Variants in TRERF1 observed in about 807,000 individuals in gnomAD.
The protein encoded by TRERF1 is transcriptional-regulating factor 1.
Under a neutral mutation model 122.9 loss-of-function variants are expected in TRERF1, and 27 were observed. That is an observed-to-expected ratio of 0.22 (90% CI 0.16 to 0.30). The LOEUF (loss-of-function observed/expected upper bound fraction) is 0.30, where lower values mean the gene tolerates loss of function less well. TRERF1 is among the 10% of genes least tolerant of loss of function. TRERF1 has a pLI of 1.00. For synonymous variants in TRERF1, 636 were observed against 641.7 expected (o/e 0.99, Z 0.13); for missense variants, 1,248 against 1,560.3 (o/e 0.80, Z 3.37).
At chr6:42,396,243 C>T (rs565737547) in intron 2 of TRERF1, among the ~76,000 whole-genome samples, 150 of 152,290 alleles carry the variant, frequency 9.8e-4, no homozygotes, top group Non-Finnish European at 2.0e-3. Context: ...TGTGACTTTA[C>T]TATCCAGCTT....
intron 3 of TRERF1, among the ~76,000 whole-genome samples, chr6:42,347,319 A>T (rs1364006286): frequency 3.3e-5 from 5 of 152,166 alleles, no homozygotes; most frequent in African/African-American, 2.4e-5. Context: ...TTTACTGAGC[A>T]TTTACTATGT....
chr6:42,431,374 T>C (rs1165108891), intron 2 of TRERF1, among the ~76,000 whole-genome samples: 2 of 152,044 alleles, frequency 1.3e-5, no homozygotes, highest in Non-Finnish European at 2.9e-5. Context: ...GAGATATATG[T>C]GGAAAAGTAC....
At chr6:42,397,714 C>T (rs1778829867) in intron 2 of TRERF1, among the ~76,000 whole-genome samples, 1 of 152,328 alleles carries the variant, frequency 6.6e-6, no homozygotes, top group South Asian at 2.1e-4. Flanking sequence ...AGAAGCTTGT[C>T]TCCATCAGAA....
At chr6:42,277,914 A>G (rs1404845007) in intron 4 of TRERF1, among the ~76,000 whole-genome samples, 1,010 of 96,242 alleles carry the variant, frequency 0.01, 21 homozygotes, top group Middle Eastern at 0.019. Context: ...AGGAAGAAGA[A>G]GAAGAAGAAG....
chr6:42,359,690 C>G (rs1459115206), intron 3 of TRERF1, among the ~76,000 whole-genome samples: 3 of 152,194 alleles, frequency 2.0e-5, no homozygotes, highest in Non-Finnish European at 2.9e-5. Flanking sequence ...CACCACAACA[C>G]TCTAGCCTGG....
chr6:42,370,551 T>C (rs1406431166), intron 2 of TRERF1, among the ~76,000 whole-genome samples: 1 of 152,164 alleles, frequency 6.6e-6, no homozygotes, highest in African/African-American at 2.4e-5. Context: ...ACAAAAACCA[T>C]GAACCAAGGC....
chr6:42,390,448 G>GA (rs111912712), intron 2 of TRERF1, among the ~76,000 whole-genome samples: 4 of 151,044 alleles, frequency 2.6e-5, no homozygotes, highest in East Asian at 1.9e-4. Flanking sequence ...ATTTTAAAAA[G>GA]AAAAAAAAAG....
At position 42,268,233 on chromosome 6, in the gene TRERF1, AG is replaced by A; in HGVS notation, c.1357del (p.Leu453SerfsTer60). The A allele has an allele frequency of 6.7e-7, 1 of 1,492,324 alleles. No individual in the cohort carries two copies. The highest frequency in any genetic ancestry group is 8.9e-7 in the Non-Finnish European group (1 of 1,121,120). The allele number at this position is 1,492,324 out of a possible 1,614,324, so 92.4% of individuals were successfully genotyped here. A position where few individuals can be genotyped will look rare whatever the true frequency, so the allele number is the denominator to read the frequency against. On this transcript the variant is annotated frameshift_variant, in exon 5 of 18. Coordinates refer to ENST00000372922, the Ensembl canonical transcript of TRERF1. LOFTEE classifies it high-confidence loss of function. The surrounding 1 kb of genome is among the most constrained non-coding windows in gnomAD (Gnocchi z 4.4). ...GAGGTGGATCCCACTGGGGGATAGG[AG>A]GGGGCGATGGGGGAGGGTGCTGCTG...
chr6:42,367,906 G>A (rs1490632871), intron 2 of TRERF1, among the ~76,000 whole-genome samples: 2 of 152,090 alleles, frequency 1.3e-5, no homozygotes, highest in Non-Finnish European at 2.9e-5. Context: ...CCCGGCCAGC[G>A]TCTGTATCAT....
chr6:42,275,256 G>T lies in TRERF1; in HGVS notation c.-258-5408C>A, dbSNP rs1304067783. 6.6e-6 allele frequency among the ~76,000 whole-genome samples: 1 copy of T among 152,200 alleles called. No individual in the cohort carries two copies. On this transcript the variant is annotated intron_variant, in intron 4 of 17. Transcript: ENST00000372922. This position sits in a 1 kb window ranked among gnomAD's most constrained non-coding sequence, Gnocchi z 4.1. ...ACAAGGTAACTGTTTTGCTCATTAT[G>T]TGTAACAATTTCTACTGGGTAATTT... is the stretch of plus-strand genomic sequence containing the variant.
At chr6:42,348,240 T>C (rs1221171409) in intron 3 of TRERF1, among the ~76,000 whole-genome samples, 1 of 149,796 alleles carries the variant, frequency 6.7e-6, no homozygotes, top group Non-Finnish European at 1.5e-5. Flanking sequence ...TCTTTTTTTC[T>C]TTTTTCTTTT....
At chr6:42,442,074 C>A (rs1419055909) in intron 2 of TRERF1, among the ~76,000 whole-genome samples, 1 of 152,106 alleles carries the variant, frequency 6.6e-6, no homozygotes, top group African/African-American at 2.4e-5. Flanking sequence ...CCCCTCAGCT[C>A]GCATGTATTC....
intron 2 of TRERF1, among the ~76,000 whole-genome samples, chr6:42,430,894 CAAA>C (rs11295004): frequency 8.2e-5 from 10 of 122,334 alleles, no homozygotes; most frequent in Admixed American, 1.6e-4. Context: ...GACTCCATCT[CAAA>C]AAAAAAAAAA....
At chr6:42,441,338 G>A (rs998850801) in intron 2 of TRERF1, among the ~76,000 whole-genome samples, 1 of 152,178 alleles carries the variant, frequency 6.6e-6, no homozygotes, top group Non-Finnish European at 1.5e-5. Context: ...AGGGGGGAAG[G>A]AGGAGGGGGT....
chr6:42,238,167 G>A (rs1446784555), intron 15 of TRERF1, among the ~76,000 whole-genome samples: 4 of 152,114 alleles, frequency 2.6e-5, no homozygotes, highest in Non-Finnish European at 5.9e-5. Context: ...GGACTTTGTG[G>A]TCTCAAACAT....
At chr6:42,395,227 C>T (rs1778396692) in intron 2 of TRERF1, among the ~76,000 whole-genome samples, 1 of 152,182 alleles carries the variant, frequency 6.6e-6, no homozygotes, top group African/African-American at 2.4e-5. Context: ...AAAAGGAGCG[C>T]TAAGGCCCAT....
At position 42,263,452 on chromosome 6, in the gene TRERF1, C is replaced by T. The variant is rs929608729; in HGVS notation, c.1752G>A (p.Met584Ile). 6.2e-7 allele frequency: 1 copy of T among 1,608,238 alleles called. No homozygotes were observed. Among genetic ancestry groups the T allele is most frequent in the East Asian group, 2.2e-5 (1 of 44,664 alleles). Residue 584 changes from methionine to isoleucine, a missense_variant, in exon 8 of 18, where the codon ATG becomes ATA. Met to Ile is a conservative substitution (Grantham distance 10). Coordinates refer to ENST00000372922, the Ensembl canonical transcript of TRERF1. The surrounding 1 kb of genome is among the most constrained non-coding windows in gnomAD (Gnocchi z 5.6). ...GAAGCTTGACAGGGACAGACACGGG[C>T]ATGACCATAGGCGTGAGGCTTTCTG...
intron 16 of TRERF1, among the ~76,000 whole-genome samples, chr6:42,234,092 G>C (rs955881973): frequency 6.6e-6 from 1 of 152,126 alleles, no homozygotes; most frequent in Non-Finnish European, 1.5e-5. Context: ...CCAGATGCTA[G>C]CAGCACCTCC....
chr6:42,301,507 C>T lies in TRERF1; in HGVS notation c.-370-758G>A, dbSNP rs901546612. 2.6e-5 allele frequency among the ~76,000 whole-genome samples: 4 copies of T among 152,294 alleles called. No homozygotes were observed. In the East Asian group the frequency reaches 7.7e-4, roughly 29 times the overall value. On this transcript the variant is annotated intron_variant, in intron 3 of 17. Transcript: ENST00000372922. Reference sequence around the variant, plus strand: ...CCTCCCAAAGTGCTGGGACTACAGGCGTGGGCCACCGTGCCCAGCCGAAGG... The same window carrying T: ...CCTCCCAAAGTGCTGGGACTACAGGTGTGGGCCACCGTGCCCAGCCGAAGG...
Sources: gnomAD v4.1 joint callset for allele counts (sites outside exome capture counted in the v4.1 genomes callset) on GRCh38, gnomAD v4.1.1 for gene constraint, Gnocchi (gnomAD v3.1) non-coding constraint, MANE v1.5 for transcripts, NCBI Gene and HGNC (gene_info 2026-07-23, HGNC 2026-07-21) for gene names.